Variants in CALN1 observed in about 807,000 individuals in gnomAD.
CALN1 encodes the protein calneuron 1, also known as calcium-binding protein 8.
Under a neutral mutation model 30.6 loss-of-function variants are expected in CALN1, and 17 were observed. That is an observed-to-expected ratio of 0.56 (90% confidence interval 0.38 to 0.83). CALN1 has a LOEUF of 0.83. CALN1 is among the 40% of genes least tolerant of loss of function. The probability of loss-of-function intolerance (pLI) is 0.00; values close to 1 mark genes in which losing one functional copy is unlikely to be tolerated. For synonymous variants in CALN1, 156 were observed against 131.4 expected (o/e 1.19, Z -1.28); for missense variants, 291 against 354.9 (o/e 0.82, Z 1.45).
chr7:71,837,082 G>T (rs1789656942), intron 5 of CALN1, among the ~76,000 whole-genome samples: 1 of 151,206 alleles, frequency 6.6e-6, no homozygotes, highest in African/African-American at 2.4e-5. Context: ...AATTACAAAA[G>T]TTAGTCGGGC....
rs918637267 is a variant in CALN1 at position 72,204,413 on chromosome 7, T to G, written c.244+74273A>C. Among the ~76,000 whole-genome samples the G allele has an allele frequency of 3.9e-5, 6 of 152,304 alleles. No homozygotes were observed. In the East Asian group the frequency reaches 1.2e-3, roughly 29 times the overall value. On this transcript the variant is annotated intron_variant, in intron 3 of 6. Coordinates refer to ENST00000395275, the MANE Select transcript of CALN1 (RefSeq NM_031468.4). ...AAAAAAATCTCCAACAATATTATTT[T>G]CAATGACCATATTGCATTCCAGTCC... is the stretch of plus-strand genomic sequence containing the variant.
intron 5 of CALN1, chr7:71,942,485 G>T: frequency 6.1e-6 from 1 of 162,662 alleles, no homozygotes. Flanking sequence ...CTGCTCACTG[G>T]GTCTTGGATG....
chr7:72,394,610 A>G (rs1196010944), intron 2 of CALN1, among the ~76,000 whole-genome samples: 1 of 151,928 alleles, frequency 6.6e-6, no homozygotes, highest in Non-Finnish European at 1.5e-5. Flanking sequence ...ATTTTGATGT[A>G]TATATGCTTA....
At chr7:72,381,502 G>C (rs1388506842) in intron 2 of CALN1, among the ~76,000 whole-genome samples, 1 of 152,162 alleles carries the variant, frequency 6.6e-6, no homozygotes, top group Non-Finnish European at 1.5e-5. Flanking sequence ...ATACTATGCA[G>C]CCATAAAAAA....
At chr7:71,994,511 C>CAAAAAAAAAAAAAA (rs367725464) in intron 5 of CALN1, among the ~76,000 whole-genome samples, 32 of 44,016 alleles carry the variant, frequency 7.3e-4, no homozygotes, top group African/African-American at 2.6e-3. Flanking sequence ...GACTTCATCT[C>CAAAAAAAAAAAAAA]AAAAAAAAAA....
intron 1 of CALN1, among the ~76,000 whole-genome samples, chr7:72,428,355 A>C (rs551240380): frequency 3.1e-4 from 47 of 152,158 alleles, no homozygotes; most frequent in African/African-American, 1.1e-3. Flanking sequence ...GAAGTGAGAA[A>C]GGCACAGATT....
intron 2 of CALN1, among the ~76,000 whole-genome samples, chr7:72,323,930 G>A (rs1801081902): frequency 6.6e-6 from 1 of 151,800 alleles, no homozygotes; most frequent in African/African-American, 2.4e-5. Flanking sequence ...TATAGTCCCA[G>A]CTACTCGGGA....
At chr7:72,361,040 T>C (rs748972704) in intron 2 of CALN1, among the ~76,000 whole-genome samples, 1 of 152,086 alleles carries the variant, frequency 6.6e-6, no homozygotes, top group Non-Finnish European at 1.5e-5. Flanking sequence ...CATTTCTTAT[T>C]CTATTTCATT....
Position 71,788,808 on chromosome 7 carries a change from C to A in CALN1, c.659-906G>T, listed in dbSNP as rs1270165932. On this transcript the variant is annotated intron_variant, in intron 6 of 6. Transcript: ENST00000395275. ...GAGTAGCTGGGACTATAGGCGCCCG[C>A]CACCATGCCCGGCTAATTTTTTGTA... 2.6e-5 allele frequency among the ~76,000 whole-genome samples: 4 copies of A among 152,122 alleles called. No homozygotes were observed. In the East Asian group the frequency reaches 7.8e-4, roughly 30 times the overall value.
intron 1 of CALN1, among the ~76,000 whole-genome samples, chr7:72,443,381 A>G (rs903738975): frequency 2.6e-5 from 4 of 152,136 alleles, no homozygotes; most frequent in African/African-American, 7.2e-5. Flanking sequence ...AAATCCTTCA[A>G]TGACTCCATC....
chr7:72,171,884 C>A (rs1788997376), intron 3 of CALN1, among the ~76,000 whole-genome samples: 1 of 152,104 alleles, frequency 6.6e-6, no homozygotes, highest in African/African-American at 2.4e-5. Flanking sequence ...TTCTTACAAC[C>A]TTTCAAGTAA....
At chr7:72,184,060 A>G (rs774901447) in intron 3 of CALN1, among the ~76,000 whole-genome samples, 3 of 152,180 alleles carry the variant, frequency 2.0e-5, no homozygotes, top group Non-Finnish European at 4.4e-5. Flanking sequence ...AACCTTTGCT[A>G]AAGTTCTCCG....
At chr7:72,247,280 A>C (rs1163712283) in intron 3 of CALN1, among the ~76,000 whole-genome samples, 5 of 102,114 alleles carry the variant, frequency 4.9e-5, no homozygotes, top group African/African-American at 1.6e-4. Flanking sequence ...ATGGAGTCTC[A>C]CTCTGTCACC....
At chr7:72,063,260 T>G (rs1269030805) in intron 4 of CALN1, among the ~76,000 whole-genome samples, 1 of 152,224 alleles carries the variant, frequency 6.6e-6, no homozygotes, top group African/African-American at 2.4e-5. Context: ...ATTTAAATTT[T>G]AAATCTAAAA....
intron 3 of CALN1, among the ~76,000 whole-genome samples, chr7:72,271,735 T>C (rs1451073145): frequency 6.6e-6 from 1 of 151,008 alleles, no homozygotes; most frequent in Non-Finnish European, 1.5e-5. Flanking sequence ...TGAACAACAG[T>C]GCCAGATGCT....
chr7:71,922,970 A>G (rs1222827182), intron 5 of CALN1, among the ~76,000 whole-genome samples: 1 of 149,932 alleles, frequency 6.7e-6, no homozygotes, highest in Non-Finnish European at 1.5e-5. Context: ...AGATCTATGT[A>G]TCCATCTATC....
intron 5 of CALN1, among the ~76,000 whole-genome samples, chr7:71,900,560 G>C (rs1473657084): frequency 6.6e-6 from 1 of 152,216 alleles, no homozygotes; most frequent in African/African-American, 2.4e-5. Context: ...CATTAAGGCA[G>C]GCAGTTAGTG....
At chr7:71,983,794 A>T (rs942338387) in intron 5 of CALN1, among the ~76,000 whole-genome samples, 3 of 152,142 alleles carry the variant, frequency 2.0e-5, no homozygotes, top group Non-Finnish European at 4.4e-5. Context: ...GGCCTCCCAA[A>T]GTGCTGGGAT....
intron 5 of CALN1, among the ~76,000 whole-genome samples, chr7:71,822,492 C>T (rs1385139890): frequency 6.6e-6 from 1 of 152,202 alleles, no homozygotes; most frequent in Admixed American, 6.5e-5. Flanking sequence ...AGGTCATCTG[C>T]CCGTCTTGGC....
Sources: allele counts gnomAD v4.1 joint callset (sites outside exome capture counted in the v4.1 genomes callset), GRCh38; gene constraint gnomAD v4.1.1; transcripts MANE v1.5; gene names NCBI Gene and HGNC (gene_info 2026-07-23, HGNC 2026-07-21).